Variants in IL1RAPL1 observed in about 807,000 individuals in gnomAD.
IL1RAPL1 encodes interleukin 1 receptor accessory protein like 1.
In IL1RAPL1, 3 loss-of-function variants were observed where a neutral mutation model predicts 48.4. That is an observed-to-expected ratio of 0.06 (90% CI 0.03 to 0.16). IL1RAPL1 has a LOEUF of 0.16. IL1RAPL1 is among the 10% of genes least tolerant of loss of function. The pLI is 1.00. For synonymous variants in IL1RAPL1, 185 were observed against 187.7 expected (o/e 0.99, Z 0.12); for missense variants, 349 against 530.6 (o/e 0.66, Z 3.36).
chrX:28,957,771 C>T (rs1190682956), intron 2 of IL1RAPL1, among the ~76,000 whole-genome samples: 1 of 108,803 alleles, frequency 9.2e-6, no homozygotes, highest in African/African-American at 3.4e-5. Context: ...ACCATCCTGA[C>T]CAACATGGTG....
chrX:29,842,113 C>T (rs779215311), intron 6 of IL1RAPL1, among the ~76,000 whole-genome samples: 23 of 112,242 alleles, frequency 2.0e-4, no homozygotes, highest in African/African-American at 7.1e-4. Context: ...TTCATGTAAA[C>T]GCCCTAAACC....
intron 2 of IL1RAPL1, among the ~76,000 whole-genome samples, chrX:29,047,331 T>C (rs1926993953): frequency 8.9e-6 from 1 of 111,869 alleles, no homozygotes; most frequent in South Asian, 3.7e-4. Flanking sequence ...ACTGCCACTA[T>C]CCCTCATTAA....
intron 5 of IL1RAPL1, among the ~76,000 whole-genome samples, chrX:29,643,629 C>T (rs1203994841): frequency 1.8e-5 from 2 of 111,716 alleles, no homozygotes; most frequent in Non-Finnish European, 1.9e-5. Context: ...TTTGTTAGTT[C>T]TTATGATACA....
chrX:29,370,483 T>C (rs1347913109), intron 3 of IL1RAPL1, among the ~76,000 whole-genome samples: 2 of 110,599 alleles, frequency 1.8e-5, no homozygotes, highest in East Asian at 2.8e-4. Context: ...CTTTTTTTTT[T>C]CCCTTAGCCA....
chrX:28,964,970 G>A (rs1924883890), intron 2 of IL1RAPL1, among the ~76,000 whole-genome samples: 1 of 111,307 alleles, frequency 9.0e-6, no homozygotes, highest in Non-Finnish European at 1.9e-5. Context: ...TAACTTGTTT[G>A]TCTTGTTCTT....
intron 6 of IL1RAPL1, among the ~76,000 whole-genome samples, chrX:29,833,847 C>T (rs1241671826): frequency 9.0e-6 from 1 of 111,554 alleles, no homozygotes; most frequent in Non-Finnish European, 1.9e-5. Flanking sequence ...TTTCTTCTTT[C>T]CCATAAAACT....
chrX:28,937,491 AATTAATGAC>A (rs1399171965), intron 2 of IL1RAPL1, among the ~76,000 whole-genome samples: 1 of 111,486 alleles, frequency 9.0e-6, no homozygotes, highest in East Asian at 2.8e-4. Context: ...AAACATTAAA[AATTAATGAC>A]AGAGTCAGGA....
intron 2 of IL1RAPL1, among the ~76,000 whole-genome samples, chrX:29,230,604 C>T (rs938310557): frequency 1.1e-4 from 12 of 105,421 alleles, no homozygotes; most frequent in East Asian, 3.0e-4. Context: ...TTCCTACAAT[C>T]GTTTATACTA....
At chrX:29,607,445 G>A (rs752077607) in intron 5 of IL1RAPL1, among the ~76,000 whole-genome samples, 8 of 112,012 alleles carry the variant, frequency 7.1e-5, no homozygotes, top group Non-Finnish European at 1.5e-4. Context: ...CTCAGTGGAA[G>A]ATGAAATGGG....
rs1933862583 is a variant in IL1RAPL1 at position 28,588,050 on chromosome X, A to G, written c.-25+3A>G. 1 of 111,789 alleles carries G rather than the reference A, an allele frequency of 8.9e-6. No individual in the cohort carries two copies. Among genetic ancestry groups the G allele is most frequent in the African/African-American group, 3.3e-5 (1 of 30,746 alleles). 9.2% of individuals were successfully genotyped at this position (111,789 alleles called of 1,213,427 possible). ...AATAATTTGGAAGACTGTTGTGGGT[A>G]AGGTCATTTTATATATGCAAACCCA... is the stretch of plus-strand genomic sequence containing the variant. On this transcript the variant is annotated splice_donor_region_variant and intron_variant, in intron 1 of 10. Coordinates refer to ENST00000378993, the MANE Select transcript of IL1RAPL1 (RefSeq NM_014271.4).
At chrX:29,818,851 A>G (rs976715633) in intron 6 of IL1RAPL1, among the ~76,000 whole-genome samples, 1 of 112,286 alleles carries the variant, frequency 8.9e-6, no homozygotes, top group African/African-American at 3.2e-5. Context: ...AATCAGAAAA[A>G]CTTCTCAAAC....
At chrX:29,301,971 GC>G (rs1932542281) in intron 3 of IL1RAPL1, among the ~76,000 whole-genome samples, 1 of 111,490 alleles carries the variant, frequency 9.0e-6, no homozygotes, top group African/African-American at 3.3e-5. Context: ...GAAGGGAAAA[GC>G]AACAGATACA....
At chrX:28,820,185 G>A (rs1936922630) in intron 2 of IL1RAPL1, among the ~76,000 whole-genome samples, 1 of 106,869 alleles carries the variant, frequency 9.4e-6, no homozygotes, top group South Asian at 4.1e-4. Context: ...AACCATTTGG[G>A]GGTTTTGTTT....
At chrX:29,570,574 TAAG>T (rs1213142994) in intron 5 of IL1RAPL1, among the ~76,000 whole-genome samples, 4 of 112,304 alleles carry the variant, frequency 3.6e-5, no homozygotes, top group African/African-American at 1.3e-4. Flanking sequence ...TTTTCTCAGT[TAAG>T]AAGAGGACAT....
intron 2 of IL1RAPL1, among the ~76,000 whole-genome samples, chrX:28,790,652 C>T (rs1296419096): frequency 1.8e-5 from 2 of 111,636 alleles, no homozygotes; most frequent in Non-Finnish European, 3.8e-5. Context: ...TTATAGGCAA[C>T]GTGAAAAAAA....
chrX:28,878,915 G>A (rs889688244), intron 2 of IL1RAPL1, among the ~76,000 whole-genome samples: 1 of 111,349 alleles, frequency 9.0e-6, no homozygotes, highest in Non-Finnish European at 1.9e-5. Flanking sequence ...TTTAGGTGTT[G>A]AAATTGAGAC....
intron 6 of IL1RAPL1, among the ~76,000 whole-genome samples, chrX:29,853,091 A>T (rs1931403426): frequency 9.1e-6 from 1 of 109,556 alleles, no homozygotes; most frequent in South Asian, 3.9e-4. Context: ...ATTTAGAGAG[A>T]AAAGCCCCAG....
At chrX:29,620,443 A>G (rs1270460499) in intron 5 of IL1RAPL1, among the ~76,000 whole-genome samples, 1 of 111,931 alleles carries the variant, frequency 8.9e-6, no homozygotes, top group African/African-American at 3.2e-5. Flanking sequence ...TAATACAATG[A>G]TATTTGTGTA....
intron 1 of IL1RAPL1, among the ~76,000 whole-genome samples, chrX:28,691,784 C>T (rs1053918107): frequency 9.0e-6 from 1 of 111,244 alleles, no homozygotes; most frequent in Non-Finnish European, 1.9e-5. Context: ...TAATTTCTAC[C>T]TATAATTTTT....
Sources: allele counts gnomAD v4.1 joint callset (sites outside exome capture counted in the v4.1 genomes callset), GRCh38; gene constraint gnomAD v4.1.1; transcripts MANE v1.5; gene names NCBI Gene and HGNC (gene_info 2026-07-23, HGNC 2026-07-21).